The following MON2 variants were observed in gnomAD, a reference collection of about 807,000 sequenced individuals.
The protein encoded by MON2 is MON2 regulator of endosome-to-Golgi trafficking, also known as protein MON2 homolog.
Under a neutral mutation model 208.6 loss-of-function variants are expected in MON2, and 84 were observed. The observed-to-expected ratio is 0.40, with a 90% CI of 0.34 to 0.48. The LOEUF (loss-of-function observed/expected upper bound fraction) is 0.48, where lower values mean the gene tolerates loss of function less well. MON2 is among the 20% of genes least tolerant of loss of function. MON2 has a pLI of 0.59. For synonymous variants in MON2, 660 were observed against 694.0 expected (o/e 0.95, Z 0.77); for missense variants, 1,611 against 2,015.4 (o/e 0.80, Z 3.84).
At chr12:62,496,513 CT>C (rs1233047192) in intron 4 of MON2, among the ~76,000 whole-genome samples, 1 of 152,046 alleles carries the variant, frequency 6.6e-6, no homozygotes, top group Non-Finnish European at 1.5e-5. Flanking sequence ...AGGCTTGTGT[CT>C]TTTAGTTAAG....
intron 29 of MON2, among the ~76,000 whole-genome samples, chr12:62,569,003 A>G (rs967109915): frequency 6.6e-6 from 1 of 152,072 alleles, no homozygotes; most frequent in South Asian, 2.1e-4. Flanking sequence ...CTATAATCCC[A>G]TTTCATTGAT....
intron 30 of MON2, 35 bp downstream of exon 30, chr12:62,571,617 G>A (rs778129712): frequency 1.3e-6 from 2 of 1,518,080 alleles, no homozygotes; most frequent in East Asian, 2.3e-5. Flanking sequence ...AAGACAAGAA[G>A]TGGCACATTA....
intron 30 of MON2, among the ~76,000 whole-genome samples, chr12:62,577,327 T>C (rs1840204897): frequency 6.6e-6 from 1 of 152,000 alleles, no homozygotes; most frequent in Non-Finnish European, 1.5e-5. Context: ...ATGGACTGAG[T>C]CTGTCCTGTT....
intron 24 of MON2, among the ~76,000 whole-genome samples, chr12:62,554,136 T>G (rs2073865902): frequency 6.6e-6 from 1 of 152,240 alleles, no homozygotes; most frequent in African/African-American, 2.4e-5. Flanking sequence ...CTAATACTTT[T>G]CTGATTCTAA....
intron 24 of MON2, among the ~76,000 whole-genome samples, chr12:62,554,752 G>A (rs187137814): frequency 6.6e-6 from 1 of 152,106 alleles, no homozygotes; most frequent in East Asian, 1.9e-4. Context: ...CCACTTTATG[G>A]CCTTCCAAAG....
chr12:62,470,028 C>A (rs2068717739), intron 1 of MON2, among the ~76,000 whole-genome samples: 2 of 151,922 alleles, frequency 1.3e-5, no homozygotes, highest in South Asian at 4.2e-4. Context: ...CCTCAACCCC[C>A]TGAGTAGCTG....
chr12:62,556,222 A>G, intron 25 of MON2, 30 bp downstream of exon 25: 1 of 1,595,620 alleles, frequency 6.3e-7, no homozygotes, highest in Non-Finnish European at 8.6e-7. Context: ...TGATTATACA[A>G]GTAATTAATG....
chr12:62,492,353 G>A (rs907863544), intron 2 of MON2, among the ~76,000 whole-genome samples: 2 of 147,498 alleles, frequency 1.4e-5, no homozygotes, highest in African/African-American at 5.0e-5. Context: ...ATAACTGATA[G>A]AGTTAGTTCT....
At chr12:62,532,754 C>A in intron 12 of MON2, 84 bp downstream of exon 12, 3 of 987,472 alleles carry the variant, frequency 3.0e-6, no homozygotes, top group East Asian at 2.6e-5. Flanking sequence ...AAATCTTTCA[C>A]CCTGACTTCT....
At position 62,560,963 on chromosome 12, in the gene MON2, T is replaced by C. The variant is rs1311104749; in HGVS notation, c.3882T>C (p.Asp1294=). The C allele has an allele frequency of 6.2e-7, 1 of 1,614,058 alleles. No homozygotes were observed. The change falls in exon 26 of 35, where the codon GAT becomes GAC. Residue 1294 remains aspartate (D), a synonymous_variant. Transcript: ENST00000393630. The stretch of plus-strand genomic sequence containing the variant: ...ACATAAAAACTGGTTTCAATATGGA[T>C]GACTTGCAAAAGTTGGGAGTCATAT... ...YQHIKTGFNM[D]DLQKLGVILH...
At chr12:62,520,688 A>G (rs2071980598) in intron 8 of MON2, among the ~76,000 whole-genome samples, 1 of 151,844 alleles carries the variant, frequency 6.6e-6, no homozygotes, top group Admixed American at 6.6e-5. Flanking sequence ...TAATCCCAGC[A>G]CTTTAGGAGA....
intron 30 of MON2, among the ~76,000 whole-genome samples, chr12:62,572,351 G>A (rs140638978): frequency 1.8e-3 from 270 of 152,286 alleles, no homozygotes; most frequent in Non-Finnish European, 3.0e-3. Context: ...GATTTAAAGC[G>A]TGCCCTTTTA....
intron 25 of MON2, 30 bp from the exon 26 acceptor site, chr12:62,560,461 T>C: frequency 6.4e-7 from 1 of 1,553,512 alleles, no homozygotes; most frequent in Non-Finnish European, 8.7e-7. Flanking sequence ...GCTTTTATGA[T>C]AATAGTTTTT....
rs183064205 is a variant in MON2, at chr12:62,593,354, T to G, written c.*605T>G. 34 of 152,604 alleles carry G rather than the reference T, an allele frequency of 2.2e-4. No homozygotes were observed. Among genetic ancestry groups the G allele is most frequent in the Middle Eastern group, 3.4e-3 (1 of 294 alleles). The allele number at this position is 152,604 out of a possible 1,614,324, so 9.5% of individuals were successfully genotyped here. On this transcript the variant is annotated 3_prime_UTR_variant, in exon 35 of 35. Coordinates refer to ENST00000393630, the MANE Select transcript of MON2 (RefSeq NM_015026.3). ...GCTCTATTTATTATTAATACAAAAT[T>G]GTTTGCTTACATTTTTACTTATAAT...
intron 25 of MON2, 190 bp from the exon 26 acceptor site, chr12:62,560,301 T>G (rs2074149818): frequency 1.9e-6 from 1 of 538,452 alleles, no homozygotes; most frequent in Non-Finnish European, 3.1e-6. Flanking sequence ...CTGAAAAATT[T>G]TTTTACTGAA....
intron 23 of MON2, among the ~76,000 whole-genome samples, chr12:62,550,293 G>C (rs1239951947): frequency 1.3e-5 from 2 of 152,150 alleles, no homozygotes; most frequent in African/African-American, 4.8e-5. Context: ...ACTTTGGGAG[G>C]CTGAGGTGGG....
Position 62,580,438 on chromosome 12 carries a change from A to G in MON2, c.4699+18A>G. The G allele has an allele frequency of 6.4e-7, 1 of 1,555,364 alleles. No homozygotes were observed. The highest frequency in any genetic ancestry group is 2.3e-5 in the East Asian group (1 of 44,248). On this transcript the variant is annotated intron_variant, in intron 32 of 34. Coordinates refer to ENST00000393630, the MANE Select transcript of MON2 (RefSeq NM_015026.3). ...ATTTACAGGTATGTTAATTTTTTTA[A>G]GTATTAAAAAGTATTGAAGTACTTT...
chr12:62,509,985 G>A (rs557401276), intron 8 of MON2, among the ~76,000 whole-genome samples: 2 of 152,020 alleles, frequency 1.3e-5, no homozygotes, highest in East Asian at 3.9e-4. Context: ...TACAACTGAT[G>A]CCACAGAAAT....
Position 62,508,797 on chromosome 12 carries a change from CTT to C in MON2, c.984+318_984+319del, listed in dbSNP as rs201840496. On this transcript the variant is annotated intron_variant, in intron 8 of 34. Coordinates refer to ENST00000393630, the MANE Select transcript of MON2 (RefSeq NM_015026.3). ...TGAAGGATTATTAAAATTATAGTCTCTTCAGTTTATTCTGCTTTCATTTATAC... is the reference window on the plus strand; with the variant it reads ...TGAAGGATTATTAAAATTATAGTCTCCAGTTTATTCTGCTTTCATTTATAC... 1,823 of 240,376 alleles carry C rather than the reference CTT, an allele frequency of 7.6e-3. 19 individuals carry two copies. The highest frequency in any genetic ancestry group is 8.6e-3 in the Non-Finnish European group (1,066 of 123,256). The allele number at this position is 240,376 out of a possible 1,614,324, so 14.9% of individuals were successfully genotyped here.
Sources: allele counts gnomAD v4.1 joint callset (sites outside exome capture counted in the v4.1 genomes callset), GRCh38; gene constraint gnomAD v4.1.1; transcripts MANE v1.5; gene names NCBI Gene and HGNC (gene_info 2026-07-23, HGNC 2026-07-21).